The following DDX1 variants were observed in gnomAD, a reference collection of about 807,000 sequenced individuals.
DDX1 encodes the protein ATP-dependent RNA helicase DDX1.
Under a neutral mutation model 108.7 loss-of-function variants are expected in DDX1, and 28 were observed. That is an observed-to-expected ratio of 0.26 (90% confidence interval 0.19 to 0.35). DDX1 has a LOEUF of 0.35. Ranked by LOEUF, DDX1 falls within the 10% of genes least tolerant of loss-of-function variation. The pLI, the probability that DDX1 is intolerant of heterozygous loss-of-function variation, is 1.00. For missense variants in DDX1, 710 were observed against 884.5 expected (o/e 0.80, Z 2.50); for synonymous variants, 295 against 288.9 (o/e 1.02, Z -0.21).
intron 14 of DDX1, among the ~76,000 whole-genome samples, chr2:15,615,799 T>C (rs1377486000): frequency 1.3e-5 from 2 of 152,030 alleles, no homozygotes; most frequent in East Asian, 3.9e-4. Flanking sequence ...GGAGTAGAGG[T>C]TTTGAATTGT....
chr2:15,624,964 C>T (rs1418958810), intron 19 of DDX1, among the ~76,000 whole-genome samples: 3 of 152,068 alleles, frequency 2.0e-5, no homozygotes, highest in Non-Finnish European at 4.4e-5. Flanking sequence ...GATGTTTACC[C>T]AGGATAAATG....
Position 15,630,953 on chromosome 2 carries a change from TTAAAACTC to T in DDX1, c.*54_*61del, listed in dbSNP as rs762390390. On this transcript the variant is annotated 3_prime_UTR_variant, in exon 26 of 26. Transcript: ENST00000233084. ...ATTTGAGTAATGAAAGTCTGTAGTC[TTAAAACTC>T]TAAAACAGTTGTACTGCTTCCAAGC... The T allele has an allele frequency of 1.9e-6, 3 of 1,593,528 alleles. No individual in the cohort carries two copies. In the South Asian group the frequency reaches 3.3e-5, roughly 18 times the overall value.
At chr2:15,623,310 C>A in intron 18 of DDX1, 126 bp from the exon 19 acceptor site, 1 of 800,080 alleles carries the variant, frequency 1.2e-6, no homozygotes, top group Non-Finnish European at 1.9e-6. Flanking sequence ...ATATATAATA[C>A]TTTTATTAAA....
chr2:15,611,826 C>T (rs1278051830), intron 13 of DDX1, among the ~76,000 whole-genome samples: 4 of 106,944 alleles, frequency 3.7e-5, no homozygotes, highest in East Asian at 3.4e-4. Context: ...GGCGGCTGGC[C>T]GGGCAGAGGG....
intron 5 of DDX1, 124 bp downstream of exon 5, chr2:15,597,595 G>C (rs1665522814): frequency 1.5e-6 from 1 of 645,422 alleles, no homozygotes; most frequent in Admixed American, 3.2e-5. Context: ...GTGGTATTGG[G>C]ATCTGGAACC....
chr2:15,606,708 C>T (rs1665667797), intron 12 of DDX1, among the ~76,000 whole-genome samples: 1 of 152,206 alleles, frequency 6.6e-6, no homozygotes, highest in African/African-American at 2.4e-5. Flanking sequence ...CAAGTTTATA[C>T]TCTTATCCAT....
intron 5 of DDX1, among the ~76,000 whole-genome samples, chr2:15,598,255 A>T (rs766122187): frequency 2.6e-5 from 4 of 152,202 alleles, no homozygotes; most frequent in Admixed American, 6.5e-5. Flanking sequence ...TGTTATACAT[A>T]AAATGTATAA....
chr2:15,623,427 A>C lies in DDX1; in HGVS notation c.1448-9A>C. On this transcript the variant is annotated splice_polypyrimidine_tract_variant and intron_variant, in intron 18 of 25. Transcript: ENST00000233084. ...TCTGTTGGTTTTTGTTGTTGTTATG[A>C]TATTCAAGAGATGTGGTCTGAAGCT... is the stretch of plus-strand genomic sequence containing the variant. 1 of 1,612,756 alleles carries C rather than the reference A, an allele frequency of 6.2e-7. No homozygotes were observed. The highest frequency in any genetic ancestry group is 1.1e-5 in the South Asian group (1 of 90,976).
chr2:15,628,515 A>G lies in DDX1; in HGVS notation c.1757A>G (p.Tyr586Cys). 6.2e-7 allele frequency: 1 copy of G among 1,612,806 alleles called. No individual in the cohort carries two copies. Among genetic ancestry groups the G allele is most frequent in the Non-Finnish European group, 8.5e-7 (1 of 1,178,902 alleles). ...GGAATTGATATCCACGGTGTTCCTT[A>G]TGGTAAAAAGCAACTTTTTATGCCT... is the stretch of plus-strand genomic sequence containing the variant. ...ARGIDIHGVP[Y>C]VINVTLPDEK... Residue 586 changes from tyrosine (Y) to cysteine (C), a missense_variant and splice_region_variant, in exon 21 of 26, where the codon TAT becomes TGT. By Grantham distance (194) the Tyr-to-Cys change is radical. Coordinates refer to ENST00000233084, the MANE Select transcript of DDX1 (RefSeq NM_004939.3).
chr2:15,611,688 G>A (rs867340433), intron 13 of DDX1, among the ~76,000 whole-genome samples: 49 of 99,332 alleles, frequency 4.9e-4, no homozygotes, highest in East Asian at 1.0e-3. Context: ...CCGGGCGGGG[G>A]GCTGACCCCC....
intron 14 of DDX1, among the ~76,000 whole-genome samples, chr2:15,613,906 G>A (rs1220996508): frequency 6.7e-6 from 1 of 148,446 alleles, no homozygotes; most frequent in African/African-American, 2.5e-5. Flanking sequence ...ACATGTTCTC[G>A]GCTCATTGCA....
At chr2:15,628,906 C>A in intron 23 of DDX1, 67 bp downstream of exon 23, 1 of 1,465,572 alleles carries the variant, frequency 6.8e-7, no homozygotes. Flanking sequence ...GAAATAAAAG[C>A]AGTTTGATTT....
At chr2:15,612,994 G>C (rs553668622) in intron 13 of DDX1, among the ~76,000 whole-genome samples, 1 of 151,342 alleles carries the variant, frequency 6.6e-6, no homozygotes, top group African/African-American at 2.4e-5. Context: ...GAGGGAGACC[G>C]TGGAAAGAGA....
chr2:15,600,748 T>C (rs1291032067), intron 6 of DDX1, among the ~76,000 whole-genome samples: 12 of 130,938 alleles, frequency 9.2e-5, no homozygotes, highest in Non-Finnish European at 1.7e-4. Flanking sequence ...TTCTTTTTTT[T>C]TTTTTTTTTT....
chr2:15,604,120 C>T (rs1665628733), intron 9 of DDX1, among the ~76,000 whole-genome samples: 1 of 152,190 alleles, frequency 6.6e-6, no homozygotes, highest in South Asian at 2.1e-4. Flanking sequence ...CTCCAAAATA[C>T]ATTACGTTGT....
chr2:15,626,754 G>A (rs1218743050), intron 19 of DDX1, among the ~76,000 whole-genome samples: 1 of 152,106 alleles, frequency 6.6e-6, no homozygotes, highest in East Asian at 1.9e-4. Context: ...AGGATAGTGA[G>A]GTTCCTGGTG....
At chr2:15,628,916 T>G (rs1263655730) in intron 23 of DDX1, 77 bp downstream of exon 23, 4 of 1,417,704 alleles carry the variant, frequency 2.8e-6, no homozygotes, top group African/African-American at 1.4e-5. Context: ...CAGTTTGATT[T>G]TCCCATTTAA....
At chr2:15,613,362 A>C in intron 14 of DDX1, 78 bp downstream of exon 14, 1 of 974,990 alleles carries the variant, frequency 1.0e-6, no homozygotes, top group African/African-American at 1.7e-5. Flanking sequence ...TTGTTTCAAG[A>C]AAATTTAAGT....
intron 1 of DDX1, among the ~76,000 whole-genome samples, chr2:15,593,673 A>C (rs1208276337): frequency 1.3e-5 from 2 of 152,172 alleles, no homozygotes; most frequent in Non-Finnish European, 2.9e-5. Context: ...GCATTTTAGG[A>C]GAGAGAACAT....
Sources: allele counts gnomAD v4.1 joint callset (sites outside exome capture counted in the v4.1 genomes callset), GRCh38; gene constraint gnomAD v4.1.1; transcripts MANE v1.5; gene names NCBI Gene and HGNC (gene_info 2026-07-23, HGNC 2026-07-21).